Variants in FBF1 observed in about 807,000 individuals in gnomAD.
FBF1 encodes Fas binding factor 1, also known as fas-binding factor 1.
Under a neutral mutation model 147.2 loss-of-function variants are expected in FBF1, and 119 were observed. The ratio of observed to expected loss-of-function variants is 0.81; its 90% CI spans 0.70 to 0.94. FBF1 has a LOEUF of 0.94. Ranked by LOEUF, FBF1 falls within the 40% of genes least tolerant of loss-of-function variation. The pLI is 0.00. For synonymous variants in FBF1, 601 were observed against 609.0 expected (o/e 0.99, Z 0.19); for missense variants, 1,449 against 1,500.8 (o/e 0.97, Z 0.57).
chr17:75,933,182 T>C (rs1410777155), intron 4 of FBF1, 94 bp from the exon 5 acceptor site: 1 of 968,656 alleles, frequency 1.0e-6, no homozygotes, highest in African/African-American at 1.6e-5. Flanking sequence ...AAGCTGTCTC[T>C]GTATTAGGAG....
chr17:75,937,466 G>A (rs976357917), intron 3 of FBF1, 100 bp downstream of exon 3: 34 of 1,433,088 alleles, frequency 2.4e-5, no homozygotes, highest in African/African-American at 7.0e-5. Flanking sequence ...CACCGTGCCC[G>A]GCCCAAAAAC....
Position 75,923,360 on chromosome 17 carries a change from G to T in FBF1, c.1250C>A (p.Ser417Tyr), listed in dbSNP as rs747537778. The T allele has an allele frequency of 1.9e-6, 3 of 1,605,470 alleles. No individual in the cohort carries two copies. Among genetic ancestry groups the T allele is most frequent in the Non-Finnish European group, 2.5e-6 (3 of 1,176,474 alleles). ...GGAAGCCTGGCTGGCTTTGGCAGGG[G>T]ACCCTGCACCTTCAGTTGGTGGCTT... Reference protein sequence around the residue: ...RAKPPTEGAGSPAKASQASKL... With the variant: ...RAKPPTEGAGYPAKASQASKL... Residue 417 changes from serine to tyrosine, a missense_variant, in exon 14 of 30, where the codon TCC (serine) becomes TAC (tyrosine). By Grantham distance (144) the Ser-to-Tyr change is moderately radical. Transcript: ENST00000636174. This position sits in a 1 kb window ranked among gnomAD's most constrained non-coding sequence, Gnocchi z 4.1.
chr17:75,937,544 A>G, intron 3 of FBF1, 22 bp downstream of exon 3: 2 of 1,613,324 alleles, frequency 1.2e-6, no homozygotes, highest in Admixed American at 1.7e-5. Flanking sequence ...GCTTAAGAGT[A>G]ATGTTCCATC....
chr17:75,920,039 C>T lies in FBF1; in HGVS notation c.1899G>A (p.Gln633=). Residue 633 remains glutamine (Q), a synonymous_variant, in exon 19 of 30, where the codon CAG becomes CAA. Transcript: ENST00000636174. ...CACTCTCGATGAGCTCCAGGTCTGC[C>T]TGGTGCTGCTGCTGCAGACTCCCCA... ...LLLGSLQQQH[Q]ADLELIESAH... The T allele has an allele frequency of 6.2e-7, 1 of 1,602,830 alleles. No homozygotes were observed. The highest frequency in any genetic ancestry group is 8.5e-7 in the Non-Finnish European group (1 of 1,175,138).
intron 1 of FBF1, among the ~76,000 whole-genome samples, chr17:75,938,480 G>A (rs1031470107): frequency 6.0e-5 from 9 of 149,928 alleles, no homozygotes; most frequent in African/African-American, 1.5e-4. Context: ...CGTTTGAACC[G>A]GGGAGGTGGA....
chr17:75,912,096 A>T, intron 29 of FBF1, 96 bp downstream of exon 29: 2 of 1,221,546 alleles, frequency 1.6e-6, no homozygotes, highest in Non-Finnish European at 2.3e-6. Context: ...AGCTGGGGTC[A>T]CCCCTCCCCA....
In FBF1 at chr17:75,925,527, T is replaced by A; in HGVS notation, c.869-81A>T. On this transcript the variant is annotated intron_variant, in intron 12 of 29. Transcript: ENST00000636174. This position sits in a 1 kb window ranked among gnomAD's most constrained non-coding sequence, Gnocchi z 5.0. ...GCGGCTGCAAAATTCTAACAAAAGC[T>A]GAATTTGGTAGCTTGTTGTGTAAGA... 1 of 1,222,642 alleles carries A rather than the reference T, an allele frequency of 8.2e-7. No homozygotes were observed. Among genetic ancestry groups the A allele is most frequent in the Non-Finnish European group, 1.2e-6 (1 of 859,308 alleles). 75.7% of individuals were successfully genotyped at this position (1,222,642 alleles called of 1,614,324 possible).
intron 29 of FBF1, among the ~76,000 whole-genome samples, chr17:75,911,403 T>C (rs2065456079): frequency 6.6e-6 from 1 of 152,252 alleles, no homozygotes; most frequent in Admixed American, 6.5e-5. Context: ...CAAGCTGAAG[T>C]GCAGTGGTGT....
At position 75,918,317 on chromosome 17, in the gene FBF1, C is replaced by G; in HGVS notation, c.2139-48G>C. 1 of 1,504,080 alleles carries G rather than the reference C, an allele frequency of 6.6e-7. No individual in the cohort carries two copies. Among genetic ancestry groups the G allele is most frequent in the Non-Finnish European group, 9.2e-7 (1 of 1,092,032 alleles). 93.2% of individuals were successfully genotyped at this position (1,504,080 alleles called of 1,614,324 possible). On this transcript the variant is annotated intron_variant, in intron 20 of 29. Transcript: ENST00000636174. The surrounding 1 kb of genome is among the most constrained non-coding windows in gnomAD (Gnocchi z 5.8). ...GGCGGTCACTCTGAGCTGGATCACCCTGATGCGGTAACTCCTTGTGGAAGG... is the reference window on the plus strand; with the variant it reads ...GGCGGTCACTCTGAGCTGGATCACCGTGATGCGGTAACTCCTTGTGGAAGG...
chr17:75,927,413 C>T, intron 9 of FBF1, 42 bp downstream of exon 9: 1 of 1,542,458 alleles, frequency 6.5e-7, no homozygotes, highest in Non-Finnish European at 8.8e-7. Context: ...GCTCCACTCC[C>T]AAACCAGAGT....
intron 3 of FBF1, among the ~76,000 whole-genome samples, chr17:75,936,895 C>A (rs961200356): frequency 6.6e-6 from 1 of 152,048 alleles, no homozygotes; most frequent in African/African-American, 2.4e-5. Context: ...CCATCTAAGA[C>A]CCCCCAGAAC....
intron 7 of FBF1, 52 bp downstream of exon 7, chr17:75,929,945 A>AGGGCCCCCCCCCCCCCCCC: frequency 1.5e-6 from 1 of 650,884 alleles, no homozygotes; most frequent in Non-Finnish European, 2.8e-6. Flanking sequence ...AAATATCATG[A>AGGGCCCCCCCCCCCCCCCC]CCCCACCCCA....
intron 13 of FBF1, among the ~76,000 whole-genome samples, chr17:75,924,560 T>C (rs2144175975): frequency 6.6e-6 from 1 of 152,180 alleles, no homozygotes; most frequent in East Asian, 1.9e-4. Flanking sequence ...TCACCACAAC[T>C]TCCGCCTCTA....
At chr17:75,931,310 C>A (rs1399935673) in intron 5 of FBF1, 21 bp from the exon 6 acceptor site, 1 of 1,571,460 alleles carries the variant, frequency 6.4e-7, no homozygotes, top group Admixed American at 1.9e-5. Flanking sequence ...GAGGCGTCAG[C>A]CCCTACCTGC....
rs574833953 is a variant in FBF1 at position 75,937,300 on chromosome 17, A to G, written c.31+266T>C. Among the ~76,000 whole-genome samples, 20 of 151,884 alleles carry G rather than the reference A, an allele frequency of 1.3e-4. No individual in the cohort carries two copies. In the South Asian group the frequency reaches 3.5e-3, roughly 27 times the overall value. ...ATTCTCCTGCCTCAGCCTCCCGAGTAGCTGGGACTACAGGCACCCGCCACC... is the reference window on the plus strand; with the variant it reads ...ATTCTCCTGCCTCAGCCTCCCGAGTGGCTGGGACTACAGGCACCCGCCACC... On this transcript the variant is annotated intron_variant, in intron 3 of 29. Transcript: ENST00000636174.
rs2065503004 is a variant in FBF1, at chr17:75,918,428, A to T, written c.2139-159T>A. 6.6e-6 allele frequency among the ~76,000 whole-genome samples: 1 copy of T among 152,162 alleles called. No individual in the cohort carries two copies. The highest frequency in any genetic ancestry group is 2.4e-5 in the African/African-American group (1 of 41,434). On this transcript the variant is annotated intron_variant, in intron 20 of 29. Transcript: ENST00000636174. This position sits in a 1 kb window ranked among gnomAD's most constrained non-coding sequence, Gnocchi z 5.8. ...CCCCAGCTCCTCTGTCTTATCTGTC[A>T]TGGTGCCTCAATGCTACACGCACTA... is the stretch of plus-strand genomic sequence containing the variant.
rs149059031 is a variant in FBF1, at chr17:75,914,933, C to G, written c.2629-1G>C. The stretch of plus-strand genomic sequence containing the variant: ...ACTTCTGCTCCTCCAGCAAGGCGCT[C>G]TGGGATGTGGGGGTGAAGGCACGGG... On this transcript the variant is annotated splice_acceptor_variant, in intron 24 of 29. Coordinates refer to ENST00000636174, the MANE Select transcript of FBF1 (RefSeq NM_001319193.2). LOFTEE classifies it high-confidence loss of function. 6.2e-7 allele frequency: 1 copy of G among 1,611,432 alleles called. No homozygotes were observed. Among genetic ancestry groups the G allele is most frequent in the East Asian group, 2.2e-5 (1 of 44,848 alleles).
At chr17:75,940,150 G>A (rs1307284238) in intron 1 of FBF1, among the ~76,000 whole-genome samples, 4 of 151,166 alleles carry the variant, frequency 2.6e-5, no homozygotes, top group Non-Finnish European at 5.9e-5. Flanking sequence ...TTCACTGTTG[G>A]CCAGGAGGTC....
chr17:75,929,210 C>A (rs2065580070), intron 7 of FBF1, among the ~76,000 whole-genome samples: 1 of 152,008 alleles, frequency 6.6e-6, no homozygotes, highest in Non-Finnish European at 1.5e-5. Flanking sequence ...GTGCCTCATG[C>A]CTGTAATTAC....
Sources: allele counts gnomAD v4.1 joint callset (sites outside exome capture counted in the v4.1 genomes callset), GRCh38; gene constraint gnomAD v4.1.1; non-coding constraint Gnocchi (gnomAD v3.1); transcripts MANE v1.5; gene names NCBI Gene and HGNC (gene_info 2026-07-23, HGNC 2026-07-21).